KCNAB1: variants seen among roughly 807,000 people sequenced by gnomAD.
The protein encoded by KCNAB1 is voltage-gated potassium channel subunit beta-1.
A neutral mutation model predicts 64.6 loss-of-function variants in KCNAB1; 35 were observed. The ratio of observed to expected loss-of-function variants is 0.54; its 90% CI spans 0.41 to 0.72. KCNAB1 has a LOEUF of 0.72. KCNAB1 is among the 30% of genes least tolerant of loss of function. The pLI, the probability that KCNAB1 is intolerant of heterozygous loss-of-function variation, is 0.00. For missense variants in KCNAB1, 401 were observed against 512.9 expected, an observed-to-expected ratio of 0.78 and a Z score of 2.11; for synonymous variants, 177 against 183.8, an observed-to-expected ratio of 0.96 and a Z score of 0.30.
At chr3:156,437,718 A>G (rs1716684740) in intron 2 of KCNAB1, among the ~76,000 whole-genome samples, 1 of 152,238 alleles carries the variant, frequency 6.6e-6, no homozygotes, top group African/African-American at 2.4e-5. Flanking sequence ...TACTAATAAA[A>G]TGAAGGGCAA....
intron 1 of KCNAB1, among the ~76,000 whole-genome samples, chr3:156,219,482 A>C (rs1171760548): frequency 6.6e-6 from 1 of 152,024 alleles, no homozygotes; most frequent in Non-Finnish European, 1.5e-5. Flanking sequence ...CAAACCTAAG[A>C]ATAATTGGTG....
At chr3:156,156,479 A>G (rs1180937086) in intron 1 of KCNAB1, among the ~76,000 whole-genome samples, 1 of 152,242 alleles carries the variant, frequency 6.6e-6, no homozygotes, top group African/African-American at 2.4e-5. Context: ...TTGCCCAGGA[A>G]GGAGGTAACA....
At chr3:156,132,943 G>C (rs892104294) in intron 1 of KCNAB1, among the ~76,000 whole-genome samples, 14 of 152,174 alleles carry the variant, frequency 9.2e-5, no homozygotes, top group Non-Finnish European at 1.9e-4. Flanking sequence ...TTTTTGTGCA[G>C]AATTAATGAG....
chr3:156,479,447 T>C (rs1714625155), intron 8 of KCNAB1, among the ~76,000 whole-genome samples: 1 of 152,068 alleles, frequency 6.6e-6, no homozygotes, highest in Non-Finnish European at 1.5e-5. Context: ...TGACTTTCTG[T>C]CATTCCCAAA....
At chr3:156,221,359 G>C (rs1715719017) in intron 1 of KCNAB1, among the ~76,000 whole-genome samples, 1 of 152,202 alleles carries the variant, frequency 6.6e-6, no homozygotes, top group African/African-American at 2.4e-5. Context: ...CTTAAGAGCT[G>C]TGAGGCAAAA....
intron 2 of KCNAB1, among the ~76,000 whole-genome samples, chr3:156,422,434 G>A (rs1473979461): frequency 6.6e-6 from 1 of 152,204 alleles, no homozygotes. Context: ...TGTTTTCAAG[G>A]TAAAACCTGA....
intron 1 of KCNAB1, among the ~76,000 whole-genome samples, chr3:156,226,708 A>G (rs1386976733): frequency 1.5e-5 from 1 of 64,910 alleles, no homozygotes; most frequent in Non-Finnish European, 3.3e-5. Flanking sequence ...ATCAAGAAAA[A>G]GAAAAAAGAA....
At chr3:156,524,030 T>C (rs1252629678) in intron 12 of KCNAB1, 83 bp downstream of exon 12, 9 of 1,286,916 alleles carry the variant, frequency 7.0e-6, no homozygotes, top group Non-Finnish European at 9.6e-6. Context: ...ACCCTTACCA[T>C]GATAAAATGT....
At chr3:156,536,617 A>C in intron 13 of KCNAB1, 41 bp from the exon 14 acceptor site, 1 of 1,355,972 alleles carries the variant, frequency 7.4e-7, no homozygotes, top group Non-Finnish European at 1.1e-6. Context: ...AATGATCAAC[A>C]CTGCTAACAA....
At chr3:156,467,976 A>G (rs888774150) in intron 7 of KCNAB1, among the ~76,000 whole-genome samples, 12 of 151,776 alleles carry the variant, frequency 7.9e-5, no homozygotes, top group African/African-American at 2.7e-4. Context: ...TTGTCAGGCT[A>G]TTTTTCTTTT....
intron 1 of KCNAB1, among the ~76,000 whole-genome samples, chr3:156,339,958 A>G (rs1723987830): frequency 6.6e-6 from 1 of 152,208 alleles, no homozygotes; most frequent in Non-Finnish European, 1.5e-5. Context: ...AGATCATAAT[A>G]TTTGTTCAAC....
intron 1 of KCNAB1, among the ~76,000 whole-genome samples, chr3:156,249,455 C>T (rs1001674067): frequency 6.6e-6 from 1 of 151,726 alleles, no homozygotes; most frequent in African/African-American, 2.4e-5. Context: ...GCCTGTAACC[C>T]TAGATACTAG....
intron 1 of KCNAB1, among the ~76,000 whole-genome samples, chr3:156,159,833 T>C (rs1715969932): frequency 6.6e-6 from 1 of 152,222 alleles, no homozygotes. Flanking sequence ...CACAATAGAA[T>C]TGTTCAAATC....
intron 8 of KCNAB1, among the ~76,000 whole-genome samples, chr3:156,494,855 AT>A (rs972056628): frequency 2.3e-4 from 35 of 152,128 alleles, no homozygotes; most frequent in African/African-American, 8.2e-4. Context: ...AAGTTTGCCA[AT>A]TTTTTTCTTT....
intron 1 of KCNAB1, among the ~76,000 whole-genome samples, chr3:156,125,934 G>C (rs1254787070): frequency 6.6e-6 from 1 of 152,188 alleles, no homozygotes; most frequent in Non-Finnish European, 1.5e-5. Context: ...AGGTCAGTGA[G>C]TAAACATTCA....
chr3:156,174,243 A>G (rs1712205235), intron 1 of KCNAB1, among the ~76,000 whole-genome samples: 1 of 152,200 alleles, frequency 6.6e-6, no homozygotes, highest in South Asian at 2.1e-4. Flanking sequence ...TAATTTTAGG[A>G]ATTAAATACT....
chr3:156,306,024 G>T (rs760820224), intron 1 of KCNAB1, among the ~76,000 whole-genome samples: 1 of 152,296 alleles, frequency 6.6e-6, no homozygotes, highest in East Asian at 1.9e-4. Context: ...AACATGGCTT[G>T]TGAAACTGTA....
intron 1 of KCNAB1, among the ~76,000 whole-genome samples, chr3:156,233,874 A>G (rs1716687910): frequency 6.6e-6 from 1 of 152,008 alleles, no homozygotes; most frequent in South Asian, 2.1e-4. Flanking sequence ...CCTTTTCTTG[A>G]GGAAAGAAGA....
At chr3:156,379,972 G>A (rs950993294) in intron 1 of KCNAB1, among the ~76,000 whole-genome samples, 1 of 152,144 alleles carries the variant, frequency 6.6e-6, no homozygotes, top group Non-Finnish European at 1.5e-5. Context: ...CTAGTGCTAA[G>A]GTTTCAGCCT....
Sources: gnomAD v4.1 joint callset for allele counts (sites outside exome capture counted in the v4.1 genomes callset) on GRCh38, gnomAD v4.1.1 for gene constraint, MANE v1.5 for transcripts, NCBI Gene and HGNC (gene_info 2026-07-23, HGNC 2026-07-21) for gene names.